The following CGGBP1 variants were observed in gnomAD, a reference collection of about 807,000 sequenced individuals.
CGGBP1 encodes the protein CGG triplet repeat binding protein 1, also known as CGG triplet repeat-binding protein 1.
Under a neutral mutation model 11.4 loss-of-function variants are expected in CGGBP1, and 4 were observed. That is an observed-to-expected ratio of 0.35 (90% CI 0.17 to 0.80). The LOEUF (loss-of-function observed/expected upper bound fraction) is 0.80. Ranked by LOEUF, CGGBP1 falls within the 30% of genes least tolerant of loss-of-function variation. CGGBP1 has a pLI of 0.52. For synonymous variants in CGGBP1, 76 were observed against 74.1 expected (o/e 1.03, Z -0.13); for missense variants, 135 against 202.1 (o/e 0.67, Z 2.01).
chr3:88,086,392 A>G, intron 2 of CGGBP1: 1 of 1,525,274 alleles, frequency 6.6e-7, no homozygotes, highest in Admixed American at 2.0e-5. Context: ...TGTTTTGAGT[A>G]GCCTTGCTGT....
intron 2 of CGGBP1, among the ~76,000 whole-genome samples, chr3:88,108,466 G>A (rs909453982): frequency 2.6e-5 from 4 of 152,006 alleles, no homozygotes; most frequent in East Asian, 1.9e-4. Context: ...CACTTTCTGC[G>A]GTTTGTTACC....
At chr3:88,101,238 C>T (rs1704403840) in intron 2 of CGGBP1, among the ~76,000 whole-genome samples, 1 of 152,068 alleles carries the variant, frequency 6.6e-6, no homozygotes, top group Non-Finnish European at 1.5e-5. Flanking sequence ...TTTTCATTTT[C>T]ATTACCCCAG....
At chr3:88,099,524 T>C (rs970834781) in intron 2 of CGGBP1, among the ~76,000 whole-genome samples, 4 of 149,914 alleles carry the variant, frequency 2.7e-5, no homozygotes, top group African/African-American at 9.8e-5. Flanking sequence ...GCCAAGACAA[T>C]CCTAAGCCAA....
chr3:88,078,342 A>G (rs1455467069), intron 2 of CGGBP1, among the ~76,000 whole-genome samples: 1 of 152,208 alleles, frequency 6.6e-6, no homozygotes, highest in African/African-American at 2.4e-5. Flanking sequence ...ATGATTTTCA[A>G]ATTGGTAACT....
intron 2 of CGGBP1, chr3:88,139,701 G>A (rs748893650): frequency 1.3e-6 from 2 of 1,580,990 alleles, no homozygotes; most frequent in South Asian, 1.1e-5. Flanking sequence ...AAATGTTATT[G>A]AAAATGGCAG....
chr3:88,074,025 G>A (rs925603556), intron 2 of CGGBP1, among the ~76,000 whole-genome samples: 3 of 152,066 alleles, frequency 2.0e-5, no homozygotes, highest in Non-Finnish European at 2.9e-5. Flanking sequence ...GTTTTAATTT[G>A]AGGTTTTAAT....
intron 2 of CGGBP1, among the ~76,000 whole-genome samples, chr3:88,132,162 A>G (rs1706503980): frequency 6.6e-6 from 1 of 152,184 alleles, no homozygotes; most frequent in South Asian, 2.1e-4. Flanking sequence ...GTAAGTAGTG[A>G]AGCCAGGATT....
chr3:88,115,326 A>G (rs971903647), intron 2 of CGGBP1, among the ~76,000 whole-genome samples: 1 of 152,190 alleles, frequency 6.6e-6, no homozygotes. Context: ...TTTGCTGCTT[A>G]CACTGTGTCA....
rs758417452 is a variant in CGGBP1, at chr3:88,140,561, G to A, written c.-229+409C>T. On this transcript the variant is annotated intron_variant, in intron 2 of 3. Coordinates refer to the CGGBP1 transcript ENST00000462901. ...TAGACCAAAAGATGCCTGACATAGAGCCAAATTCTGAAAATAATTGTAGTA... is the reference window on the plus strand; with the variant it reads ...TAGACCAAAAGATGCCTGACATAGAACCAAATTCTGAAAATAATTGTAGTA... 5 of 1,613,566 alleles carry A rather than the reference G, an allele frequency of 3.1e-6. No individual in the cohort carries two copies. In the African/African-American group the frequency reaches 5.3e-5, roughly 17 times the overall value.
chr3:88,145,207 C>CT (rs1272277986), intron 1 of CGGBP1, among the ~76,000 whole-genome samples: 3 of 152,114 alleles, frequency 2.0e-5, no homozygotes, highest in African/African-American at 7.2e-5. Context: ...AAGGCTCCTA[C>CT]TTTTTTCGTT....
intron 2 of CGGBP1, chr3:88,140,894 T>G (rs1334777027): frequency 1.2e-6 from 2 of 1,613,644 alleles, no homozygotes; most frequent in Non-Finnish European, 1.7e-6. Flanking sequence ...ATAGAGTAGA[T>G]GCCTGTTCTG....
At chr3:88,056,247 TAAAG>T in intron 3 of CGGBP1, 1 of 328,164 alleles carries the variant, frequency 3.0e-6, no homozygotes, top group South Asian at 7.0e-5. Context: ...AATTAGACTA[TAAAG>T]AAAGAACTCA....
At chr3:88,135,721 C>A (rs772421423) in intron 2 of CGGBP1, among the ~76,000 whole-genome samples, 8 of 151,980 alleles carry the variant, frequency 5.3e-5, no homozygotes, top group Non-Finnish European at 1.0e-4. Flanking sequence ...TTTACTTGGG[C>A]CACTTGCAAG....
intron 2 of CGGBP1, among the ~76,000 whole-genome samples, chr3:88,128,410 T>C (rs1559728761): frequency 6.6e-6 from 1 of 152,102 alleles, no homozygotes; most frequent in South Asian, 2.1e-4. Context: ...CAGATTAGGA[T>C]TCAGCCTTTT....
chr3:88,065,682 A>T (rs2107596085), intron 2 of CGGBP1, among the ~76,000 whole-genome samples: 1 of 152,302 alleles, frequency 6.6e-6, no homozygotes, highest in African/African-American at 2.4e-5. Context: ...TAAAGTATAT[A>T]AAATAAATTT....
chr3:88,123,193 T>G (rs771671770), intron 2 of CGGBP1, among the ~76,000 whole-genome samples: 1 of 152,104 alleles, frequency 6.6e-6, no homozygotes, highest in East Asian at 1.9e-4. Flanking sequence ...CAAAAAATAC[T>G]TGTAAGCTTA....
intron 3 of CGGBP1, chr3:88,056,812 G>A (rs1339926663): frequency 6.6e-6 from 1 of 152,118 alleles, no homozygotes; most frequent in Non-Finnish European, 1.5e-5. Flanking sequence ...GATGGAAAAA[G>A]TACGTATCTT....
upstream of CGGBP1, chr3:88,059,622 G>A: frequency 7.3e-7 from 1 of 1,375,548 alleles, no homozygotes; most frequent in Non-Finnish European, 9.4e-7. Flanking sequence ...CCCCAACAAG[G>A]AGGGTGAGGC....
chr3:88,116,754 G>A (rs1385322736), intron 2 of CGGBP1, among the ~76,000 whole-genome samples: 2 of 151,972 alleles, frequency 1.3e-5, no homozygotes, highest in Non-Finnish European at 2.9e-5. Context: ...GAGAGGTGTG[G>A]TTGTCTTTCA....
Sources: gnomAD v4.1 joint callset for allele counts (sites outside exome capture counted in the v4.1 genomes callset) on GRCh38, gnomAD v4.1.1 for gene constraint, MANE v1.5 for transcripts, NCBI Gene and HGNC (gene_info 2026-07-23, HGNC 2026-07-21) for gene names.